The following PRKD1 variants were observed in gnomAD, a reference collection of about 807,000 sequenced individuals.
The protein encoded by PRKD1 is protein kinase D1, also known as serine/threonine-protein kinase D1.
PRKD1 carries 63 observed loss-of-function variants against 95.9 expected under a neutral mutation model. The ratio of observed to expected loss-of-function variants is 0.66; its 90% CI spans 0.54 to 0.81. The LOEUF (loss-of-function observed/expected upper bound fraction) is 0.81, where lower values mean the gene tolerates loss of function less well. Ranked by LOEUF, PRKD1 falls within the 30% of genes least tolerant of loss-of-function variation. The pLI, the probability that PRKD1 is intolerant of heterozygous loss-of-function variation, is 0.00. For missense variants in PRKD1, 1,048 were observed against 1,165.3 expected (o/e 0.90, Z 1.47); for synonymous variants, 425 against 423.1 (o/e 1.00, Z -0.05).
intron 1 of PRKD1, among the ~76,000 whole-genome samples, chr14:29,794,562 A>C (rs1889724263): frequency 1.3e-5 from 2 of 152,152 alleles, no homozygotes; most frequent in South Asian, 4.1e-4. Context: ...TAAACAATTT[A>C]CAAAGCGTAC....
intron 1 of PRKD1, among the ~76,000 whole-genome samples, chr14:29,750,060 C>A (rs1887404862): frequency 6.6e-6 from 1 of 152,112 alleles, no homozygotes; most frequent in Non-Finnish European, 1.5e-5. Context: ...AGGGTCACTG[C>A]AACACAAGTC....
chr14:29,658,461 C>T (rs1258697415), intron 4 of PRKD1, among the ~76,000 whole-genome samples: 2 of 152,052 alleles, frequency 1.3e-5, no homozygotes, highest in Admixed American at 1.3e-4. Flanking sequence ...AACCAAGAAG[C>T]ATTTCCTAAT....
chr14:29,769,082 A>C (rs1888389536), intron 1 of PRKD1, among the ~76,000 whole-genome samples: 1 of 152,220 alleles, frequency 6.6e-6, no homozygotes, highest in Admixed American at 6.5e-5. Flanking sequence ...AAATACCAGG[A>C]AACGACAGAG....
intron 2 of PRKD1, among the ~76,000 whole-genome samples, chr14:29,674,203 A>C (rs1437043474): frequency 6.6e-6 from 1 of 152,158 alleles, no homozygotes; most frequent in Non-Finnish European, 1.5e-5. Flanking sequence ...GCTGTTTCTA[A>C]GTCTGTTGCC....
intron 1 of PRKD1, among the ~76,000 whole-genome samples, chr14:29,772,902 T>G (rs1474792003): frequency 6.6e-6 from 1 of 152,064 alleles, no homozygotes; most frequent in Non-Finnish European, 1.5e-5. Context: ...TAAAATTTTA[T>G]TCCACAGAAA....
intron 1 of PRKD1, among the ~76,000 whole-genome samples, chr14:29,763,864 A>T (rs1022397074): frequency 1.3e-5 from 2 of 152,134 alleles, no homozygotes; most frequent in East Asian, 1.9e-4. Flanking sequence ...TTTATTTAGG[A>T]TATACTATCT....
chr14:29,675,571 C>T lies in PRKD1; in HGVS notation c.404-9363G>A, dbSNP rs542110143. ...TCAACCATTGTGGAAGACAGTGTGGCGATTCTTCAAGGATCTAGAACTAGA... is the reference window on the plus strand; with the variant it reads ...TCAACCATTGTGGAAGACAGTGTGGTGATTCTTCAAGGATCTAGAACTAGA... On this transcript the variant is annotated intron_variant, in intron 2 of 17. Transcript: ENST00000331968. Among the ~76,000 whole-genome samples the T allele has an allele frequency of 2.8e-3, 425 of 152,224 alleles. 3 individuals are homozygous for T. The highest frequency in any genetic ancestry group is 4.6e-3 in the Non-Finnish European group (312 of 68,016).
At chr14:29,599,255 A>T in intron 14 of PRKD1, 130 bp from the exon 15 acceptor site, 1 of 735,580 alleles carries the variant, frequency 1.4e-6, no homozygotes, top group Non-Finnish European at 2.2e-6. Context: ...CACTGAAATG[A>T]GCTAGATTAA....
chr14:29,724,284 C>A (rs1886039578), intron 2 of PRKD1, among the ~76,000 whole-genome samples: 1 of 152,128 alleles, frequency 6.6e-6, no homozygotes, highest in Admixed American at 6.5e-5. Flanking sequence ...CAAAAGGACT[C>A]ATAAAACATT....
rs562207330 is a variant in PRKD1 at position 29,845,956 on chromosome 14, T to G, written c.264+81293A>C. Among the ~76,000 whole-genome samples, 6 of 152,288 alleles carry G rather than the reference T, an allele frequency of 3.9e-5. No homozygotes were observed. The East Asian group carries it at 1.2e-3, about 29-fold the overall frequency. On this transcript the variant is annotated intron_variant, in intron 1 of 17. Coordinates refer to ENST00000331968, the MANE Select transcript of PRKD1 (RefSeq NM_002742.3). ...TATTTAATAACAGCTCAGGAGTTTA[T>G]CTTACCATATTAAATACAGGCATCA...
At chr14:29,849,405 T>G (rs1347534161) in intron 1 of PRKD1, among the ~76,000 whole-genome samples, 9 of 152,150 alleles carry the variant, frequency 5.9e-5, no homozygotes, top group Admixed American at 6.5e-5. Context: ...TATTTCTTTA[T>G]AGCAGTGCAA....
intron 1 of PRKD1, among the ~76,000 whole-genome samples, chr14:29,922,626 G>A (rs1371335867): frequency 1.3e-5 from 2 of 152,076 alleles, no homozygotes; most frequent in Non-Finnish European, 2.9e-5. Context: ...GCTCATGCCT[G>A]CAATCCCAGC....
intron 1 of PRKD1, among the ~76,000 whole-genome samples, chr14:29,874,080 T>C (rs1329986902): frequency 6.6e-6 from 1 of 152,222 alleles, no homozygotes; most frequent in Non-Finnish European, 1.5e-5. Flanking sequence ...TTCTTTTGCT[T>C]GGTTGTATAC....
chr14:29,779,613 A>C (rs1888946804), intron 1 of PRKD1, among the ~76,000 whole-genome samples: 1 of 152,208 alleles, frequency 6.6e-6, no homozygotes, highest in Non-Finnish European at 1.5e-5. Flanking sequence ...GAGAACTACA[A>C]ACCACTGCTC....
At chr14:29,770,345 A>G (rs1427084761) in intron 1 of PRKD1, among the ~76,000 whole-genome samples, 2 of 152,252 alleles carry the variant, frequency 1.3e-5, no homozygotes, top group African/African-American at 2.4e-5. Flanking sequence ...AAAGTCTTGA[A>G]GTGAATGCTA....
At position 29,824,021 on chromosome 14, in the gene PRKD1, A is replaced by G. The variant is rs573303060; in HGVS notation, c.265-98347T>C. On this transcript the variant is annotated intron_variant, in intron 1 of 17. Transcript: ENST00000331968. ...CTTCGGACACACACTGCATGCATTCAGTATAATTAGAATACGCACAGTTGG... is the reference window on the plus strand; with the variant it reads ...CTTCGGACACACACTGCATGCATTCGGTATAATTAGAATACGCACAGTTGG... 6.6e-5 allele frequency among the ~76,000 whole-genome samples: 10 copies of G among 152,288 alleles called. No individual in the cohort carries two copies. In the South Asian group the frequency reaches 2.1e-3, roughly 32 times the overall value.
intron 1 of PRKD1, among the ~76,000 whole-genome samples, chr14:29,783,884 G>A (rs543113551): frequency 3.0e-4 from 45 of 152,160 alleles, no homozygotes; most frequent in Non-Finnish European, 4.9e-4. Flanking sequence ...CTGGATATTA[G>A]TCACCTGTTA....
intron 1 of PRKD1, among the ~76,000 whole-genome samples, chr14:29,815,943 G>A (rs1890669856): frequency 6.6e-6 from 1 of 152,202 alleles, no homozygotes; most frequent in African/African-American, 2.4e-5. Flanking sequence ...TATCAGGCCG[G>A]GCGCGGTGGC....
chr14:29,777,494 C>G (rs1217884954), intron 1 of PRKD1, among the ~76,000 whole-genome samples: 1 of 152,136 alleles, frequency 6.6e-6, no homozygotes, highest in Non-Finnish European at 1.5e-5. Flanking sequence ...GGTTGCAATC[C>G]TAGCCTCTGA....
Sources: allele counts gnomAD v4.1 joint callset (sites outside exome capture counted in the v4.1 genomes callset), GRCh38; gene constraint gnomAD v4.1.1; transcripts MANE v1.5; gene names NCBI Gene and HGNC (gene_info 2026-07-23, HGNC 2026-07-21).